Variants in GRIA1 observed in about 807,000 individuals in gnomAD.
The protein encoded by GRIA1 is glutamate receptor 1.
In GRIA1, 31 loss-of-function variants were observed where a neutral mutation model predicts 99.2. That is an observed-to-expected ratio of 0.31 (90% confidence interval 0.23 to 0.42). The LOEUF (loss-of-function observed/expected upper bound fraction) is 0.42, where lower values mean the gene tolerates loss of function less well. GRIA1 is among the 10% of genes least tolerant of loss of function. The pLI is 1.00. For synonymous variants in GRIA1, 438 were observed against 432.4 expected (o/e 1.01, Z -0.16); for missense variants, 782 against 1,157.5 (o/e 0.68, Z 4.71).
At chr5:153,801,415 A>G (rs1253566059) in intron 14 of GRIA1, among the ~76,000 whole-genome samples, 1 of 150,760 alleles carries the variant, frequency 6.6e-6, no homozygotes, top group Non-Finnish European at 1.5e-5. Context: ...ACTGGAGGTG[A>G]CAGAACTCAG....
intron 1 of GRIA1, among the ~76,000 whole-genome samples, chr5:153,491,769 C>A (rs180895009): frequency 6.6e-6 from 1 of 152,280 alleles, no homozygotes; most frequent in Admixed American, 6.5e-5. Context: ...TTACTGGGCT[C>A]CATCCTCTCA....
At chr5:153,782,090 T>TTGAAGAC (rs1764673141) in intron 13 of GRIA1, among the ~76,000 whole-genome samples, 1 of 152,236 alleles carries the variant, frequency 6.6e-6, no homozygotes. Flanking sequence ...TTAATATTTA[T>TTGAAGAC]TGAAGACTTG....
chr5:153,557,929 T>A (rs1277031514), intron 2 of GRIA1: 1 of 152,202 alleles, frequency 6.6e-6, no homozygotes, highest in East Asian at 1.9e-4. Context: ...TTTTTATAAG[T>A]AGAAAGAGTG....
chr5:153,662,935 C>T (rs1755476460), intron 5 of GRIA1, among the ~76,000 whole-genome samples: 1 of 152,128 alleles, frequency 6.6e-6, no homozygotes, highest in Non-Finnish European at 1.5e-5. Flanking sequence ...CCTCTTCTTC[C>T]TCCCACACAG....
intron 2 of GRIA1, among the ~76,000 whole-genome samples, chr5:153,538,199 A>G (rs1758758701): frequency 6.6e-6 from 1 of 152,228 alleles, no homozygotes; most frequent in Non-Finnish European, 1.5e-5. Flanking sequence ...ATATTTAGAA[A>G]TGATGGGAAG....
intron 2 of GRIA1, among the ~76,000 whole-genome samples, chr5:153,534,116 A>C (rs375561970): frequency 3.3e-5 from 5 of 152,346 alleles, no homozygotes; most frequent in African/African-American, 1.2e-4. Flanking sequence ...ATGTCACCTA[A>C]CCTAGAAATA....
At chr5:153,632,358 G>A (rs1753041831) in intron 2 of GRIA1, among the ~76,000 whole-genome samples, 1 of 152,166 alleles carries the variant, frequency 6.6e-6, no homozygotes. Context: ...TAGTCAATCT[G>A]CATGACCAAA....
At chr5:153,683,174 C>T (rs1447323061) in intron 7 of GRIA1, among the ~76,000 whole-genome samples, 2 of 152,208 alleles carry the variant, frequency 1.3e-5, no homozygotes, top group African/African-American at 4.8e-5. Flanking sequence ...TCAAGATACA[C>T]ATTTCTGAGA....
chr5:153,811,171 G>C lies in GRIA1; in HGVS notation c.2667G>C (p.Ser889=). Residue 889 remains serine (S), a synonymous_variant, in exon 16 of 16, where the codon TCG becomes TCC. Transcript: ENST00000285900. The stretch of plus-strand genomic sequence containing the variant: ...ATGACTTCCCCAAGTCCATGCAATC[G>C]ATTCCTTGCATGAGCCACAGTTCAG... ...VSHDFPKSMQ[S]IPCMSHSSGM... The C allele has an allele frequency of 5.0e-6, 8 of 1,613,978 alleles. No individual in the cohort carries two copies. The highest frequency in any genetic ancestry group is 5.9e-6 in the Non-Finnish European group (7 of 1,179,924).
intron 12 of GRIA1, among the ~76,000 whole-genome samples, chr5:153,768,601 G>A (rs1278266968): frequency 6.6e-6 from 1 of 151,906 alleles, no homozygotes; most frequent in Non-Finnish European, 1.5e-5. Flanking sequence ...GATTTTCCTG[G>A]GCCCCGAATG....
chr5:153,575,628 G>A (rs778574341), intron 2 of GRIA1, among the ~76,000 whole-genome samples: 6 of 152,136 alleles, frequency 3.9e-5, no homozygotes, highest in Non-Finnish European at 7.4e-5. Context: ...GCCTTCCCAG[G>A]CAGAACTGGG....
chr5:153,679,292 A>ACAAG, intron 7 of GRIA1, among the ~76,000 whole-genome samples: 1 of 152,148 alleles, frequency 6.6e-6, no homozygotes, highest in Non-Finnish European at 1.5e-5. Flanking sequence ...AAATAAATAA[A>ACAAG]CAAACAAACA....
At chr5:153,769,744 C>T (rs906932065) in intron 12 of GRIA1, among the ~76,000 whole-genome samples, 5 of 151,850 alleles carry the variant, frequency 3.3e-5, no homozygotes, top group African/African-American at 1.2e-4. Flanking sequence ...ACCCATGATC[C>T]AGAAATTCTT....
intron 2 of GRIA1, among the ~76,000 whole-genome samples, chr5:153,500,789 A>G (rs1007120147): frequency 6.6e-6 from 1 of 152,142 alleles, no homozygotes; most frequent in Non-Finnish European, 1.5e-5. Flanking sequence ...ATACACACAC[A>G]CACACCCCAC....
chr5:153,689,897 A>G (rs534963359), intron 8 of GRIA1, among the ~76,000 whole-genome samples: 6 of 152,354 alleles, frequency 3.9e-5, no homozygotes, highest in Admixed American at 2.0e-4. Flanking sequence ...TCCCAGAACC[A>G]GAGGCCCCAG....
At chr5:153,772,460 G>A (rs772789693) in intron 13 of GRIA1, among the ~76,000 whole-genome samples, 24 of 152,164 alleles carry the variant, frequency 1.6e-4, no homozygotes, top group Non-Finnish European at 3.2e-4. Flanking sequence ...TGTTTAAGCT[G>A]AGATTGGAGG....
intron 2 of GRIA1, among the ~76,000 whole-genome samples, chr5:153,640,062 C>T (rs1206498139): frequency 6.6e-6 from 1 of 152,222 alleles, no homozygotes; most frequent in Admixed American, 6.5e-5. Flanking sequence ...AAGGGAAGCT[C>T]CAGTTGATCA....
At chr5:153,603,518 G>A (rs939577569) in intron 2 of GRIA1, among the ~76,000 whole-genome samples, 2 of 146,766 alleles carry the variant, frequency 1.4e-5, no homozygotes, top group African/African-American at 4.9e-5. Flanking sequence ...AAAACTTAAA[G>A]TATAATAATA....
intron 8 of GRIA1, among the ~76,000 whole-genome samples, chr5:153,689,777 A>G (rs770472992): frequency 5.3e-5 from 8 of 152,114 alleles, no homozygotes; most frequent in Non-Finnish European, 1.2e-4. Context: ...CCCTACTCAC[A>G]TTGTTCCTCT....
Sources: allele counts gnomAD v4.1 joint callset (sites outside exome capture counted in the v4.1 genomes callset), GRCh38; gene constraint gnomAD v4.1.1; transcripts MANE v1.5; gene names NCBI Gene and HGNC (gene_info 2026-07-23, HGNC 2026-07-21).